Variants in CACNB2 observed in about 807,000 individuals in gnomAD.
CACNB2 encodes calcium voltage-gated channel auxiliary subunit beta 2.
CACNB2 carries 42 observed loss-of-function variants against 73.3 expected under a neutral mutation model. The observed-to-expected ratio is 0.57, with a 90% confidence interval of 0.45 to 0.74. The LOEUF is 0.74. Among genes scored for constraint, CACNB2 ranks in the 30% least tolerant of loss-of-function variants. The pLI, the probability that CACNB2 is intolerant of heterozygous loss-of-function variation, is 0.00. For synonymous variants in CACNB2, 348 were observed against 310.3 expected, an observed-to-expected ratio of 1.12 and a Z score of -1.28; for missense variants, 940 against 853.0, an observed-to-expected ratio of 1.10 and a Z score of -1.27.
chr10:18,287,239 G>C (rs547010954), intron 2 of CACNB2, among the ~76,000 whole-genome samples: 1 of 152,150 alleles, frequency 6.6e-6, no homozygotes, highest in South Asian at 2.1e-4. Context: ...TGAGGCACGA[G>C]AATCACTTAA....
intron 2 of CACNB2, among the ~76,000 whole-genome samples, chr10:18,258,219 A>C (rs1299096556): frequency 6.6e-6 from 1 of 152,214 alleles, no homozygotes; most frequent in Non-Finnish European, 1.5e-5. Flanking sequence ...AGGTGGGTGG[A>C]ATATCTAATG....
intron 2 of CACNB2, among the ~76,000 whole-genome samples, chr10:18,396,693 A>T (rs1351514466): frequency 6.6e-6 from 1 of 152,040 alleles, no homozygotes; most frequent in African/African-American, 2.4e-5. Context: ...CTGGTCTCGA[A>T]CTCCTGACCA....
chr10:18,385,812 CTT>C (rs952105489), intron 2 of CACNB2, among the ~76,000 whole-genome samples: 1 of 151,912 alleles, frequency 6.6e-6, no homozygotes, highest in Non-Finnish European at 1.5e-5. Flanking sequence ...CTAGAGATAA[CTT>C]ATTTTTTTAT....
intron 2 of CACNB2, among the ~76,000 whole-genome samples, chr10:18,164,390 C>T (rs754845742): frequency 7.9e-5 from 12 of 152,188 alleles, no homozygotes; most frequent in Non-Finnish European, 1.5e-4. Context: ...GGAGAGCAAT[C>T]GTTGAAAGAA....
intron 2 of CACNB2, among the ~76,000 whole-genome samples, chr10:18,298,703 A>C (rs2039378999): frequency 6.6e-6 from 1 of 152,210 alleles, no homozygotes; most frequent in African/African-American, 2.4e-5. Flanking sequence ...TGTCTTGACC[A>C]GCAGGTCACC....
At chr10:18,295,950 A>G (rs1361689143) in intron 2 of CACNB2, among the ~76,000 whole-genome samples, 4 of 147,542 alleles carry the variant, frequency 2.7e-5, no homozygotes, top group African/African-American at 7.5e-5. Context: ...TGTTATTTCC[A>G]TGTAGATGTC....
intron 2 of CACNB2, among the ~76,000 whole-genome samples, chr10:18,346,171 ACT>A (rs1358063991): frequency 1.3e-5 from 2 of 151,970 alleles, no homozygotes; most frequent in Non-Finnish European, 2.9e-5. Context: ...GTGGAGTCTC[ACT>A]CTGTTTCCCA....
chr10:18,346,678 C>T (rs1304689205), intron 2 of CACNB2, among the ~76,000 whole-genome samples: 1 of 152,040 alleles, frequency 6.6e-6, no homozygotes, highest in Non-Finnish European at 1.5e-5. Context: ...CTTACTGCAA[C>T]CTCCGCCTCC....
At chr10:18,424,548 G>A (rs560059382) in intron 3 of CACNB2, among the ~76,000 whole-genome samples, 1 of 152,136 alleles carries the variant, frequency 6.6e-6, no homozygotes, top group East Asian at 1.9e-4. Flanking sequence ...CAGTCTGGTC[G>A]GGTGTCCGAG....
At chr10:18,477,278 G>A (rs2048489564) in intron 3 of CACNB2, among the ~76,000 whole-genome samples, 1 of 152,106 alleles carries the variant, frequency 6.6e-6, no homozygotes, top group Admixed American at 6.5e-5. Context: ...TGATTTAGGT[G>A]GGATTTGGCC....
At chr10:18,427,667 C>A (rs759017259) in intron 3 of CACNB2, among the ~76,000 whole-genome samples, 8 of 152,020 alleles carry the variant, frequency 5.3e-5, no homozygotes, top group Non-Finnish European at 1.0e-4. Flanking sequence ...TAACAGAACC[C>A]TTTAGGGTTT....
intron 2 of CACNB2, among the ~76,000 whole-genome samples, chr10:18,259,565 A>AG (rs1554779364): frequency 0.021 from 1,147 of 55,514 alleles, 56 homozygotes; most frequent in African/African-American, 0.073. Flanking sequence ...AAAAACAAAC[A>AG]AAAAAAAAAA....
intron 3 of CACNB2, among the ~76,000 whole-genome samples, chr10:18,482,603 C>T (rs1052530380): frequency 3.3e-5 from 5 of 152,108 alleles, no homozygotes. Context: ...CTCCACCTCC[C>T]GGGTTCAAGC....
intron 2 of CACNB2, among the ~76,000 whole-genome samples, chr10:18,380,319 C>T (rs764079606): frequency 4.0e-5 from 6 of 151,844 alleles, no homozygotes; most frequent in African/African-American, 1.5e-4. Context: ...GGTTGAAAAC[C>T]CTTGAATATT....
rs368619523 is a variant in CACNB2 at position 18,156,943 on chromosome 10, G to A, written c.213+5968G>A. Among the ~76,000 whole-genome samples, 48 of 152,066 alleles carry A rather than the reference G, an allele frequency of 3.2e-4. No individual in the cohort carries two copies. In the East Asian group the frequency reaches 8.5e-3, roughly 27 times the overall value. ...AATCCCAGCTACTTGGGAGGCTGGG[G>A]CAGGCAGGAGAATTGCTTGAACCCA... is the stretch of plus-strand genomic sequence containing the variant. On this transcript the variant is annotated intron_variant, in intron 2 of 13. Transcript: ENST00000324631.
intron 3 of CACNB2, among the ~76,000 whole-genome samples, chr10:18,415,385 G>T (rs1218134645): frequency 1.3e-5 from 2 of 151,784 alleles, no homozygotes. Flanking sequence ...AGGATTGCTT[G>T]AGCCTAGGAG....
intron 2 of CACNB2, among the ~76,000 whole-genome samples, chr10:18,336,394 G>T (rs1222106316): frequency 6.6e-6 from 1 of 152,164 alleles, no homozygotes; most frequent in African/African-American, 2.4e-5. Flanking sequence ...CAAGGTGGGT[G>T]GATCACCTGA....
At chr10:18,436,983 C>A (rs140921516) in intron 3 of CACNB2, among the ~76,000 whole-genome samples, 4 of 152,114 alleles carry the variant, frequency 2.6e-5, no homozygotes, top group African/African-American at 9.7e-5. Context: ...GTGCTGCTTG[C>A]TGGAGATACA....
chr10:18,399,468 G>A (rs567335037), intron 2 of CACNB2, among the ~76,000 whole-genome samples: 10 of 152,074 alleles, frequency 6.6e-5, no homozygotes, highest in Admixed American at 2.0e-4. Flanking sequence ...CCTATTCTAC[G>A]TATTTTCTAG....
Sources: gnomAD v4.1 joint callset for allele counts (sites outside exome capture counted in the v4.1 genomes callset) on GRCh38, gnomAD v4.1.1 for gene constraint, MANE v1.5 for transcripts, NCBI Gene and HGNC (gene_info 2026-07-23, HGNC 2026-07-21) for gene names.